The following CREM variants were observed in gnomAD, a reference collection of about 807,000 sequenced individuals.
CREM encodes the protein cAMP responsive element modulator, also known as cAMP-responsive element modulator.
In CREM, 13 loss-of-function variants were observed where a neutral mutation model predicts 37.3. The ratio of observed to expected loss-of-function variants is 0.35; its 90% CI spans 0.23 to 0.55. The LOEUF (loss-of-function observed/expected upper bound fraction) is 0.55, where lower values mean the gene tolerates loss of function less well. Among genes scored for constraint, CREM ranks in the 20% least tolerant of loss-of-function variants. CREM has a pLI of 0.88. For missense variants in CREM, 296 were observed against 362.3 expected, an observed-to-expected ratio of 0.82 and a Z score of 1.49; for synonymous variants, 124 against 120.2, an observed-to-expected ratio of 1.03 and a Z score of -0.21.
chr10:35,151,118 G>A (rs1425495837), intron 3 of CREM, among the ~76,000 whole-genome samples: 10 of 152,154 alleles, frequency 6.6e-5, no homozygotes, highest in African/African-American at 1.9e-4. Context: ...TGAGAACTGG[G>A]ATGTGAGAAA....
At chr10:35,179,953 A>G (rs1644997511) in intron 5 of CREM, 2 of 152,336 alleles carry the variant, frequency 1.3e-5, no homozygotes, top group Non-Finnish European at 2.9e-5. Context: ...AGCAAGAGCT[A>G]GAAAGAAAAG....
chr10:35,203,124 G>A lies in CREM; in HGVS notation c.599-3771G>A, dbSNP rs553198583. ...GGCTGGAGTGCAGTAGCATAATAAC[G>A]GCTCACTGTAGCCTCAACCTCCTGG... On this transcript the variant is annotated intron_variant, in intron 6 of 7. Coordinates refer to ENST00000685392, the MANE Select transcript of CREM (RefSeq NM_183011.2). Among the ~76,000 whole-genome samples the A allele has an allele frequency of 3.0e-4, 45 of 151,646 alleles. 1 individual carries two copies. The highest frequency in any genetic ancestry group is 9.7e-4 in the African/African-American group (40 of 41,326).
rs2095661520 is a variant in CREM, at chr10:35,211,340, A to G, written c.842A>G (p.Lys281Arg). 1 of 1,613,996 alleles carries G rather than the reference A, an allele frequency of 6.2e-7. No homozygotes were observed. The highest frequency in any genetic ancestry group is 8.5e-7 in the Non-Finnish European group (1 of 1,180,026). The stretch of plus-strand genomic sequence containing the variant: ...GTGGCTGTGCTTGAAAACCAAAACA[A>G]GACTCTCATTGAGGAACTCAAGGCC... ...NRVAVLENQNKTLIEELKALK... is the reference protein window; with the variant it reads ...NRVAVLENQNRTLIEELKALK... Residue 281 changes from lysine (K) to arginine (R), a missense_variant, in exon 8 of 8, where the codon AAG (lysine) becomes AGG (arginine). Physicochemically the swap from Lys to Arg is conservative, Grantham distance 26. This residue lies in a region of CREM where 39 missense variants were observed against 82.0 expected (regional missense o/e 0.48). Coordinates refer to ENST00000685392, the MANE Select transcript of CREM (RefSeq NM_183011.2).
rs545065804 is a variant in CREM, at chr10:35,184,128, T to C, written c.410-4072T>C. Among the ~76,000 whole-genome samples the C allele has an allele frequency of 1.2e-3, 182 of 152,110 alleles. 2 individuals carry two copies. Among genetic ancestry groups the C allele is most frequent in the Admixed American group, 9.6e-3 (146 of 15,268 alleles). On this transcript the variant is annotated intron_variant, in intron 5 of 7. Coordinates refer to ENST00000685392, the MANE Select transcript of CREM (RefSeq NM_183011.2). ...AAGTGTATAACATCGCCAGGCTTGG[T>C]GGTTTGTGCCTGTAGTCCCAGCTAC...
chr10:35,189,240 C>A (rs866108108), intron 6 of CREM, among the ~76,000 whole-genome samples: 5 of 151,432 alleles, frequency 3.3e-5, no homozygotes, highest in Admixed American at 2.0e-4. Context: ...CTGAAGTATC[C>A]ATTCTAGCTC....
At chr10:35,165,440 CTG>C (rs1365949550) in intron 3 of CREM, among the ~76,000 whole-genome samples, 3 of 152,172 alleles carry the variant, frequency 2.0e-5, no homozygotes, top group Non-Finnish European at 2.9e-5. Context: ...AGCATCCAAA[CTG>C]TATCACGTTT....
chr10:35,142,100 G>T (rs1381130992), intron 2 of CREM, among the ~76,000 whole-genome samples: 1 of 152,126 alleles, frequency 6.6e-6, no homozygotes, highest in Non-Finnish European at 1.5e-5. Context: ...GTGAAGTAAC[G>T]GAGATAGTAG....
intron 6 of CREM, among the ~76,000 whole-genome samples, chr10:35,190,695 C>T (rs374526933): frequency 9.8e-4 from 149 of 151,936 alleles, no homozygotes; most frequent in African/African-American, 3.4e-3. Context: ...GATGGAGTCT[C>T]GCTCTGTTGC....
intron 6 of CREM, among the ~76,000 whole-genome samples, chr10:35,204,197 A>G (rs1275381109): frequency 6.6e-6 from 1 of 152,246 alleles, no homozygotes; most frequent in African/African-American, 2.4e-5. Context: ...ACTATCTCAA[A>G]GCTATACAGT....
rs80113848 is a variant in CREM, at chr10:35,201,641, T to TA, written c.599-5241dup. Among the ~76,000 whole-genome samples, 1,059 of 141,900 alleles carry TA rather than the reference T, an allele frequency of 7.5e-3. 12 individuals are homozygous for TA. The highest frequency in any genetic ancestry group is 0.024 in the African/African-American group (923 of 38,770). 93.1% of individuals were successfully genotyped at this position (141,900 alleles called of 152,430 possible). A position where few individuals can be genotyped will look rare whatever the true frequency, so the allele number is the denominator to read the frequency against. On this transcript the variant is annotated intron_variant, in intron 6 of 7. Coordinates refer to ENST00000685392, the MANE Select transcript of CREM (RefSeq NM_183011.2). ...CCCATGAAATATTTGATACTGAACCTAAAAAAAAAAAAATGCTTTCATGTC... is the reference window on the plus strand; with the variant it reads ...CCCATGAAATATTTGATACTGAACCTAAAAAAAAAAAAAATGCTTTCATGTC...
intron 6 of CREM, chr10:35,195,334 A>G (rs2095107117): frequency 2.7e-6 from 3 of 1,116,104 alleles, no homozygotes; most frequent in African/African-American, 3.2e-5. Flanking sequence ...TAGGTGTAAG[A>G]CTTTTTTTGA....
At chr10:35,179,722 C>T (rs1451686582) in intron 5 of CREM, 1 of 154,484 alleles carries the variant, frequency 6.5e-6, no homozygotes, top group Non-Finnish European at 1.4e-5. Flanking sequence ...TTAATTTGTG[C>T]TACAGTTTTT....
At chr10:35,160,094 A>G (rs1378399248) in intron 3 of CREM, among the ~76,000 whole-genome samples, 4 of 152,144 alleles carry the variant, frequency 2.6e-5, no homozygotes, top group Non-Finnish European at 5.9e-5. Context: ...GTGTACTTAC[A>G]CAAACCTGGA....
chr10:35,181,238 T>C (rs1188831939), intron 5 of CREM, among the ~76,000 whole-genome samples: 1 of 152,238 alleles, frequency 6.6e-6, no homozygotes, highest in Non-Finnish European at 1.5e-5. Flanking sequence ...AGAAGCTTTA[T>C]TAAATTCACA....
intron 7 of CREM, among the ~76,000 whole-genome samples, chr10:35,208,549 G>A (rs546223315): frequency 6.6e-6 from 1 of 152,274 alleles, no homozygotes; most frequent in Admixed American, 6.5e-5. Context: ...TGTCCTCATT[G>A]TGTGCAGCCA....
At chr10:35,179,032 G>A (rs1266507442) in intron 4 of CREM, 46 bp downstream of exon 4, 1 of 1,554,270 alleles carries the variant, frequency 6.4e-7, no homozygotes, top group Non-Finnish European at 8.8e-7. Flanking sequence ...TTTCCAAAAT[G>A]GTAGAATAAT....
chr10:35,137,905 C>G, intron 2 of CREM, 26 bp downstream of exon 2: 2 of 1,560,244 alleles, frequency 1.3e-6, no homozygotes, highest in Non-Finnish European at 1.7e-6. Context: ...TTTTTCTGTT[C>G]TTTTGAAAAT....
chr10:35,170,055 T>C (rs1376727280), intron 3 of CREM, among the ~76,000 whole-genome samples: 3 of 149,776 alleles, frequency 2.0e-5, no homozygotes, highest in Non-Finnish European at 4.4e-5. Context: ...CTCCATCTCC[T>C]GGGTTCACGC....
At chr10:35,207,513 C>T (rs75247344) in intron 7 of CREM, among the ~76,000 whole-genome samples, 20,570 of 151,870 alleles carry the variant, frequency 0.14, 1,574 homozygotes, top group South Asian at 0.2. Context: ...CAGTGGCTCC[C>T]GCCTGTAATC....
Sources: gnomAD v4.1 joint callset for allele counts (sites outside exome capture counted in the v4.1 genomes callset) on GRCh38, gnomAD v4.1.1 for gene constraint, gnomAD v4.1.1 regional missense constraint, MANE v1.5 for transcripts, NCBI Gene and HGNC (gene_info 2026-07-23, HGNC 2026-07-21) for gene names.